Variants in KHDRBS2 observed in about 807,000 individuals in gnomAD.
KHDRBS2 encodes KH RNA binding domain containing, signal transduction associated 2.
In KHDRBS2, 26 loss-of-function variants were observed where a neutral mutation model predicts 44.3. That is an observed-to-expected ratio of 0.59 (90% CI 0.43 to 0.81). The LOEUF (loss-of-function observed/expected upper bound fraction) is 0.81. Ranked by LOEUF, KHDRBS2 falls within the 40% of genes least tolerant of loss-of-function variation. The probability of loss-of-function intolerance (pLI) is 0.00; values close to 1 mark genes in which losing one functional copy is unlikely to be tolerated. For synonymous variants in KHDRBS2, 194 were observed against 151.1 expected, an observed-to-expected ratio of 1.28 and a Z score of -2.08; for missense variants, 476 against 433.1, an observed-to-expected ratio of 1.10 and a Z score of -0.88.
the KHDRBS2 span, among the ~76,000 whole-genome samples, chr6:61,669,649 G>T: frequency 6.6e-6 from 1 of 150,588 alleles, no homozygotes; most frequent in Non-Finnish European, 1.5e-5. Context: ...ACTAACTTGG[G>T]GAAGATATTT....
At chr6:61,637,263 T>G in the KHDRBS2 span, among the ~76,000 whole-genome samples, 1 of 150,196 alleles carries the variant, frequency 6.7e-6, no homozygotes, top group Non-Finnish European at 1.5e-5. Flanking sequence ...AATTTCCACC[T>G]ATGAGTGAGA....
chr6:61,588,973 C>A, the KHDRBS2 span, among the ~76,000 whole-genome samples: 26 of 151,990 alleles, frequency 1.7e-4, no homozygotes, highest in Admixed American at 4.6e-4. Context: ...GAACAGAAAA[C>A]CAAATGCTGC....
chr6:61,884,359 G>A (rs1800619314), intron 6 of KHDRBS2, among the ~76,000 whole-genome samples: 2 of 152,170 alleles, frequency 1.3e-5, no homozygotes, highest in South Asian at 4.1e-4. Context: ...GTGCTGAACT[G>A]AATTTTAATT....
chr6:61,916,819 T>C lies in KHDRBS2; in HGVS notation c.484-15448A>G, dbSNP rs188640015. ...GACAAATAGGTCAGGCAAGTAAGTG[T>C]ATGAAAAGATGCTCAAAATCATATG... is the stretch of plus-strand genomic sequence containing the variant. On this transcript the variant is annotated intron_variant, in intron 4 of 8. Coordinates refer to ENST00000281156, the MANE Select transcript of KHDRBS2 (RefSeq NM_152688.4). Among the ~76,000 whole-genome samples the C allele has an allele frequency of 6.2e-4, 95 of 152,050 alleles. 1 individual carries two copies. Among genetic ancestry groups the C allele is most frequent in the Non-Finnish European group, 9.1e-4 (62 of 67,926 alleles).
At chr6:62,003,461 A>T (rs931476984) in intron 3 of KHDRBS2, among the ~76,000 whole-genome samples, 1 of 152,118 alleles carries the variant, frequency 6.6e-6, no homozygotes, top group Non-Finnish European at 1.5e-5. Context: ...CAACAAGAAG[A>T]GTTAACTATC....
At chr6:61,875,901 A>AT (rs1282875858) in intron 6 of KHDRBS2, among the ~76,000 whole-genome samples, 2 of 151,330 alleles carry the variant, frequency 1.3e-5, no homozygotes, top group African/African-American at 2.4e-5. Context: ...CTTTTTTGTC[A>AT]TTTTCTGTAT....
intron 2 of KHDRBS2, among the ~76,000 whole-genome samples, chr6:62,095,951 T>C (rs978344717): frequency 5.9e-5 from 9 of 151,794 alleles, no homozygotes; most frequent in Admixed American, 5.3e-4. Flanking sequence ...TTATCAAATG[T>C]TTTTTTATTC....
At chr6:62,001,836 CT>C (rs574910016) in intron 3 of KHDRBS2, among the ~76,000 whole-genome samples, 81 of 152,156 alleles carry the variant, frequency 5.3e-4, no homozygotes, top group Admixed American at 1.3e-3. Context: ...TTTCAATTTT[CT>C]TTGTGCTTAC....
intron 2 of KHDRBS2, among the ~76,000 whole-genome samples, chr6:62,166,494 C>T (rs1049923690): frequency 6.6e-6 from 1 of 151,984 alleles, no homozygotes; most frequent in African/African-American, 2.4e-5. Context: ...AAAAGTTACT[C>T]CTAATTTCTC....
intron 3 of KHDRBS2, among the ~76,000 whole-genome samples, chr6:62,009,943 C>A (rs1351603708): frequency 6.6e-6 from 1 of 152,076 alleles, no homozygotes; most frequent in Non-Finnish European, 1.5e-5. Flanking sequence ...GGGTTGGAGC[C>A]CCCATACAGA....
At chr6:61,826,345 G>A (rs1790851539) in intron 6 of KHDRBS2, among the ~76,000 whole-genome samples, 1 of 151,982 alleles carries the variant, frequency 6.6e-6, no homozygotes, top group South Asian at 2.1e-4. Context: ...GGGAAGGAAG[G>A]GAAAAAGATG....
chr6:62,106,724 C>A (rs545558484), intron 2 of KHDRBS2, among the ~76,000 whole-genome samples: 15 of 152,250 alleles, frequency 9.9e-5, no homozygotes, highest in Middle Eastern at 3.4e-3. Context: ...TCCAGCAGCA[C>A]ATCAAAAAGC....
intron 6 of KHDRBS2, among the ~76,000 whole-genome samples, chr6:61,754,192 C>A (rs1778148736): frequency 6.6e-6 from 1 of 152,094 alleles, no homozygotes; most frequent in South Asian, 2.1e-4. Flanking sequence ...CTAAAAAATA[C>A]AGCTGGAGTT....
chr6:61,932,520 G>A (rs1810252546), intron 4 of KHDRBS2, among the ~76,000 whole-genome samples: 1 of 152,060 alleles, frequency 6.6e-6, no homozygotes, highest in South Asian at 2.1e-4. Flanking sequence ...AGTCATACAG[G>A]CCGGGCACGG....
At chr6:61,810,433 C>T (rs1787937006) in intron 6 of KHDRBS2, among the ~76,000 whole-genome samples, 1 of 152,130 alleles carries the variant, frequency 6.6e-6, no homozygotes, top group African/African-American at 2.4e-5. Context: ...CTCTTCTCAA[C>T]TGCCTAGCCA....
At chr6:61,695,106 A>T (rs958086512) in intron 8 of KHDRBS2, among the ~76,000 whole-genome samples, 1 of 152,114 alleles carries the variant, frequency 6.6e-6, no homozygotes, top group Non-Finnish European at 1.5e-5. Context: ...TTTAGGAAGG[A>T]CGATTTAGGA....
At chr6:61,827,497 TAGTCAATAAATCTAGTACCTATGG>T in intron 6 of KHDRBS2, among the ~76,000 whole-genome samples, 1 of 152,334 alleles carries the variant, frequency 6.6e-6, no homozygotes, top group Non-Finnish European at 1.5e-5. Flanking sequence ...AGATTCATTA[TAGTCAATAAATCTAGTACCTATGG>T]ATTTTTAAGA....
chr6:62,150,010 A>G (rs1198424053), intron 2 of KHDRBS2, among the ~76,000 whole-genome samples: 1 of 152,192 alleles, frequency 6.6e-6, no homozygotes, highest in East Asian at 1.9e-4. Flanking sequence ...TAAATGTAAA[A>G]CACACAGCTC....
intron 6 of KHDRBS2, among the ~76,000 whole-genome samples, chr6:61,856,867 G>C (rs896151564): frequency 6.6e-6 from 1 of 152,012 alleles, no homozygotes; most frequent in Non-Finnish European, 1.5e-5. Context: ...ATATGCAGTA[G>C]TTTTGTTAAT....
Sources: allele counts gnomAD v4.1 joint callset (sites outside exome capture counted in the v4.1 genomes callset), GRCh38; gene constraint gnomAD v4.1.1; transcripts MANE v1.5; gene names NCBI Gene and HGNC (gene_info 2026-07-23, HGNC 2026-07-21).